Variants in DCLK2 observed in about 807,000 individuals in gnomAD.
The protein encoded by DCLK2 is serine/threonine-protein kinase DCLK2.
In DCLK2, 31 loss-of-function variants were observed where a neutral mutation model predicts 78.4. That is an observed-to-expected ratio of 0.40 (90% CI 0.30 to 0.53). DCLK2 has a LOEUF of 0.53. Among genes scored for constraint, DCLK2 ranks in the 20% least tolerant of loss-of-function variants. The pLI, the probability that DCLK2 is intolerant of heterozygous loss-of-function variation, is 0.61. For synonymous variants in DCLK2, 407 were observed against 374.9 expected (o/e 1.09, Z -0.99); for missense variants, 872 against 973.7 (o/e 0.90, Z 1.39).
chr4:150,115,609 A>G (rs752783494), intron 2 of DCLK2, among the ~76,000 whole-genome samples: 2 of 152,016 alleles, frequency 1.3e-5, no homozygotes, highest in Non-Finnish European at 2.9e-5. Context: ...TCAGGGATGA[A>G]GACACTGTAT....
intron 1 of DCLK2, among the ~76,000 whole-genome samples, chr4:150,086,912 A>G (rs1729691023): frequency 6.6e-6 from 1 of 152,212 alleles, no homozygotes; most frequent in African/African-American, 2.4e-5. Flanking sequence ...TGCCATAGCT[A>G]AGGCTTAGTT....
chr4:150,124,969 A>G (rs1010162119), intron 2 of DCLK2, among the ~76,000 whole-genome samples: 23 of 152,210 alleles, frequency 1.5e-4, no homozygotes, highest in African/African-American at 5.5e-4. Context: ...TTTGATTTAA[A>G]TATATTTATT....
At chr4:150,138,953 G>C (rs934244342) in intron 2 of DCLK2, among the ~76,000 whole-genome samples, 21 of 151,640 alleles carry the variant, frequency 1.4e-4, no homozygotes, top group Non-Finnish European at 1.2e-4. Flanking sequence ...TGTGAGCCAC[G>C]GCGCCTGGCC....
intron 2 of DCLK2, among the ~76,000 whole-genome samples, chr4:150,111,100 A>G (rs1731660602): frequency 6.6e-6 from 1 of 152,198 alleles, no homozygotes; most frequent in South Asian, 2.1e-4. Flanking sequence ...CATTCCCACA[A>G]GCATTGTATA....
Position 150,210,364 on chromosome 4 carries a change from A to G in DCLK2, c.1056+6475A>G, listed in dbSNP as rs993881044. Among the ~76,000 whole-genome samples the G allele has an allele frequency of 3.3e-5, 5 of 152,312 alleles. No individual in the cohort carries two copies. The South Asian group carries it at 6.2e-4, about 19-fold the overall frequency. On this transcript the variant is annotated intron_variant, in intron 5 of 15. Transcript: ENST00000296550. ...ACATGCAGTAGCGTACAAGGGGGAAAGAGAAGGTGAGAGAAGTCAGACTCC... is the reference window on the plus strand; with the variant it reads ...ACATGCAGTAGCGTACAAGGGGGAAGGAGAAGGTGAGAGAAGTCAGACTCC...
At chr4:150,099,554 A>G (rs536457805) in intron 1 of DCLK2, among the ~76,000 whole-genome samples, 6 of 152,372 alleles carry the variant, frequency 3.9e-5, no homozygotes, top group East Asian at 1.9e-4. Flanking sequence ...GTCAAGGTAT[A>G]TGACATCTAT....
intron 8 of DCLK2, among the ~76,000 whole-genome samples, chr4:150,226,437 T>C (rs1448483431): frequency 6.6e-6 from 1 of 152,134 alleles, no homozygotes; most frequent in Non-Finnish European, 1.5e-5. Flanking sequence ...CTGCTTTCGA[T>C]GTGGTGGTGT....
At chr4:150,231,205 A>G (rs1419215759) in intron 8 of DCLK2, among the ~76,000 whole-genome samples, 1 of 152,248 alleles carries the variant, frequency 6.6e-6, no homozygotes, top group Non-Finnish European at 1.5e-5. Context: ...TAAAGTGTTC[A>G]AACATTACAC....
At chr4:150,110,151 A>G (rs974904904) in intron 2 of DCLK2, among the ~76,000 whole-genome samples, 3 of 152,234 alleles carry the variant, frequency 2.0e-5, no homozygotes, top group African/African-American at 7.2e-5. Flanking sequence ...GCTTCCAACA[A>G]ATTATGCAAT....
At chr4:150,115,897 A>G (rs949724596) in intron 2 of DCLK2, among the ~76,000 whole-genome samples, 35 of 152,350 alleles carry the variant, frequency 2.3e-4, no homozygotes, top group African/African-American at 8.4e-4. Context: ...TGTAATATCC[A>G]GTGGTGAACA....
chr4:150,253,969 G>C, intron 15 of DCLK2: 1 of 941,598 alleles, frequency 1.1e-6, no homozygotes, highest in Non-Finnish European at 1.3e-6. Context: ...TGGGATAAGA[G>C]AAGATAATTT....
chr4:150,193,133 C>G lies in DCLK2; in HGVS notation c.757-5C>G, dbSNP rs771936652. 1 of 1,578,518 alleles carries G rather than the reference C, an allele frequency of 6.3e-7. No individual in the cohort carries two copies. Among genetic ancestry groups the G allele is most frequent in the Non-Finnish European group, 8.7e-7 (1 of 1,151,960 alleles). The stretch of plus-strand genomic sequence containing the variant: ...TTATTTCTTGGACATGATTTTTGTT[C>G]TCAGGTTACTTGTCTGCAAGACTTT... On this transcript the variant is annotated splice_region_variant and splice_polypyrimidine_tract_variant and intron_variant, in intron 2 of 15. Transcript: ENST00000296550.
At chr4:150,128,949 C>CAG (rs1733100052) in intron 2 of DCLK2, among the ~76,000 whole-genome samples, 2 of 152,238 alleles carry the variant, frequency 1.3e-5, no homozygotes, top group African/African-American at 4.8e-5. Context: ...TGTGGCAGAA[C>CAG]AGATATCAGG....
intron 1 of DCLK2, among the ~76,000 whole-genome samples, chr4:150,097,026 C>G (rs1437557079): frequency 1.3e-5 from 2 of 152,066 alleles, no homozygotes; most frequent in Non-Finnish European, 2.9e-5. Flanking sequence ...GAGAAGGACC[C>G]ACGTCCTGTT....
In DCLK2 at chr4:150,247,703, C is replaced by T; in HGVS notation, c.1875+4C>T. The T allele has an allele frequency of 1.2e-6, 2 of 1,612,386 alleles. No homozygotes were observed. Among genetic ancestry groups the T allele is most frequent in the Non-Finnish European group, 1.7e-6 (2 of 1,178,660 alleles). On this transcript the variant is annotated splice_donor_region_variant and intron_variant, in intron 13 of 15. Transcript: ENST00000296550. ...TAACATCACGGACTCTGCCAAGGTA[C>T]CCTCCAGGCCTGTTTCTGTGGGTTG...
chr4:150,176,184 A>G lies in DCLK2; in HGVS notation c.757-16954A>G, dbSNP rs532041958. On this transcript the variant is annotated intron_variant, in intron 2 of 15. Transcript: ENST00000296550. ...GTTTTCCATAGCCATCTCCATGCCT[A>G]TCCTTGTAGTAAAAGCTGTCCTTCC... 1.2e-4 allele frequency among the ~76,000 whole-genome samples: 18 copies of G among 152,172 alleles called. 1 individual carries two copies. In the South Asian group the frequency reaches 3.7e-3, roughly 32 times the overall value.
At chr4:150,231,567 C>G (rs996642463) in intron 8 of DCLK2, among the ~76,000 whole-genome samples, 2 of 152,160 alleles carry the variant, frequency 1.3e-5, no homozygotes, top group African/African-American at 4.8e-5. Context: ...AATCATTGTT[C>G]ATGATTCATG....
At chr4:150,229,833 A>G (rs1741905439) in intron 8 of DCLK2, among the ~76,000 whole-genome samples, 1 of 152,208 alleles carries the variant, frequency 6.6e-6, no homozygotes. Flanking sequence ...TAATTGAATA[A>G]TGTAAGTTCA....
chr4:150,180,818 T>A (rs1295331932), intron 2 of DCLK2, among the ~76,000 whole-genome samples: 1 of 152,120 alleles, frequency 6.6e-6, no homozygotes, highest in Non-Finnish European at 1.5e-5. Context: ...AGGCCAGCCA[T>A]AAAACCTGAA....
Sources: gnomAD v4.1 joint callset for allele counts (sites outside exome capture counted in the v4.1 genomes callset) on GRCh38, gnomAD v4.1.1 for gene constraint, MANE v1.5 for transcripts, NCBI Gene and HGNC (gene_info 2026-07-23, HGNC 2026-07-21) for gene names.